Variants in NOL4 observed in about 807,000 individuals in gnomAD.
NOL4 encodes nucleolar protein 4.
NOL4 carries 17 observed loss-of-function variants against 75.9 expected under a neutral mutation model. The ratio of observed to expected loss-of-function variants is 0.22; its 90% CI spans 0.15 to 0.34. The LOEUF is 0.34. NOL4 is among the 10% of genes least tolerant of loss of function. The pLI is 1.00. For missense variants in NOL4, 614 were observed against 793.5 expected (o/e 0.77, Z 2.72); for synonymous variants, 292 against 289.9 (o/e 1.01, Z -0.07).
intron 9 of NOL4, among the ~76,000 whole-genome samples, chr18:33,905,677 TGTATATAGG>T (rs969161816): frequency 2.1e-4 from 32 of 152,308 alleles, no homozygotes; most frequent in African/African-American, 7.7e-4. Context: ...TAGTTGTTGC[TGTATATAGG>T]GTATATAGAG....
chr18:33,856,556 C>T (rs1188931508), intron 10 of NOL4, among the ~76,000 whole-genome samples: 3 of 152,012 alleles, frequency 2.0e-5, no homozygotes, highest in Non-Finnish European at 2.9e-5. Context: ...CCTTCTCCTA[C>T]ATTCTCTTCT....
At chr18:34,135,634 C>T (rs994394135) in intron 1 of NOL4, among the ~76,000 whole-genome samples, 5 of 129,372 alleles carry the variant, frequency 3.9e-5, no homozygotes, top group Non-Finnish European at 7.7e-5. Context: ...GAGGCCAGAG[C>T]TTGCAGTGAG....
chr18:33,936,533 C>T (rs560216466), intron 9 of NOL4, among the ~76,000 whole-genome samples: 1 of 150,302 alleles, frequency 6.7e-6, no homozygotes, highest in East Asian at 2.0e-4. Flanking sequence ...CCACTGTGTT[C>T]TTTTCAATAG....
chr18:33,919,361 T>C (rs1454049012), intron 9 of NOL4, among the ~76,000 whole-genome samples: 1 of 152,098 alleles, frequency 6.6e-6, no homozygotes, highest in East Asian at 1.9e-4. Context: ...GGGAAGGAAT[T>C]TGAACCCAGG....
chr18:34,095,333 A>T (rs1483269452), intron 4 of NOL4, among the ~76,000 whole-genome samples: 3 of 151,592 alleles, frequency 2.0e-5, no homozygotes, highest in Non-Finnish European at 2.9e-5. Context: ...CAGTGATAAC[A>T]ATGTGGACTT....
intron 9 of NOL4, among the ~76,000 whole-genome samples, chr18:33,938,897 T>C (rs1288619088): frequency 6.6e-6 from 1 of 152,196 alleles, no homozygotes; most frequent in Non-Finnish European, 1.5e-5. Flanking sequence ...TTCTAGGGTT[T>C]TTATGGTTTT....
intron 9 of NOL4, among the ~76,000 whole-genome samples, chr18:33,888,005 A>G (rs1274521719): frequency 6.6e-6 from 1 of 152,210 alleles, no homozygotes. Context: ...ACTGTCTTCC[A>G]CAATGGTTGA....
Position 34,065,825 on chromosome 18 carries a change from T to C in NOL4, c.772+27640A>G, listed in dbSNP as rs1386663636. On this transcript the variant is annotated intron_variant, in intron 5 of 10. Transcript: ENST00000261592. ...TGATAAGAGATTAAATGCTAAGTAATTGATTTCTAAGAATTTTCAAAACAC... is the reference window on the plus strand; with the variant it reads ...TGATAAGAGATTAAATGCTAAGTAACTGATTTCTAAGAATTTTCAAAACAC... 1.3e-5 allele frequency among the ~76,000 whole-genome samples: 2 copies of C among 151,980 alleles called. 1 individual carries two copies. Among genetic ancestry groups the C allele is most frequent in the Non-Finnish European group, 2.9e-5 (2 of 67,854 alleles).
At chr18:34,191,834 A>G (rs2034940626) in intron 1 of NOL4, among the ~76,000 whole-genome samples, 1 of 152,142 alleles carries the variant, frequency 6.6e-6, no homozygotes, top group Non-Finnish European at 1.5e-5. Context: ...AGAGGAATAC[A>G]GGTTGGTGAT....
chr18:34,160,891 G>A (rs2031363334), intron 1 of NOL4, among the ~76,000 whole-genome samples: 1 of 152,040 alleles, frequency 6.6e-6, no homozygotes, highest in African/African-American at 2.4e-5. Context: ...TAGTCACCCT[G>A]CAGTACGATA....
chr18:33,958,329 A>C lies in NOL4; in HGVS notation c.1146T>G (p.Asp382Glu). The change falls in exon 7 of 11, where the codon GAT becomes GAG. Residue 382 changes from aspartate (D) to glutamate (E), a missense_variant. Around this residue, in one of 9 missense-constraint regions of NOL4, gnomAD observed 196 missense variants for 167.9 expected, o/e 1.17. Transcript: ENST00000261592. ...GAEDLSLNRG[D>E]EDEDDHEDHD... Reference sequence around the variant, plus strand: ...GGTCCTCGTGGTCATCTTCGTCCTCATCTCCCCTGTTTAGTGAGAGGTCCT... The same window carrying C: ...GGTCCTCGTGGTCATCTTCGTCCTCCTCTCCCCTGTTTAGTGAGAGGTCCT... 2 of 1,613,732 alleles carry C rather than the reference A, an allele frequency of 1.2e-6. No individual in the cohort carries two copies. The highest frequency in any genetic ancestry group is 1.7e-6 in the Non-Finnish European group (2 of 1,179,782).
At chr18:33,871,357 G>A (rs994394860) in intron 10 of NOL4, among the ~76,000 whole-genome samples, 1 of 151,976 alleles carries the variant, frequency 6.6e-6, no homozygotes, top group African/African-American at 2.4e-5. Context: ...CCCGAGCCCA[G>A]GAAAGGGTAA....
intron 5 of NOL4, among the ~76,000 whole-genome samples, chr18:34,033,863 A>T (rs529297605): frequency 2.0e-4 from 31 of 152,286 alleles, no homozygotes; most frequent in African/African-American, 7.2e-4. Flanking sequence ...CAGAAATCTT[A>T]TGGGCCAGTA....
chr18:33,923,778 A>G (rs2067172319), intron 9 of NOL4, among the ~76,000 whole-genome samples: 1 of 152,194 alleles, frequency 6.6e-6, no homozygotes, highest in African/African-American at 2.4e-5. Context: ...AACAAAAATT[A>G]TTTACTAAGT....
At chr18:34,112,634 A>G (rs1425728872) in intron 2 of NOL4, among the ~76,000 whole-genome samples, 7 of 152,156 alleles carry the variant, frequency 4.6e-5, no homozygotes, top group African/African-American at 1.7e-4. Flanking sequence ...CTCACCTGTA[A>G]GTGGAAATTG....
intron 5 of NOL4, among the ~76,000 whole-genome samples, chr18:34,028,996 T>A (rs2075494699): frequency 6.6e-6 from 1 of 152,158 alleles, no homozygotes; most frequent in African/African-American, 2.4e-5. Flanking sequence ...CCTTTTTCCA[T>A]CCTTCTATTG....
chr18:34,093,434 T>G (rs1160338064), intron 5 of NOL4, 31 bp downstream of exon 5: 6 of 1,530,950 alleles, frequency 3.9e-6, no homozygotes, highest in Non-Finnish European at 5.3e-6. Flanking sequence ...TTGCTGTTGT[T>G]TTGCTTATTT....
rs960173569 is a variant in NOL4, at chr18:33,871,530, T to C, written c.1723+11714A>G. ...TTTGTTCAGATAGCTCCCCAGAGGA[T>C]GTGTCAAAGTTCAAAGGAGGCTGTT... On this transcript the variant is annotated intron_variant, in intron 10 of 10. Coordinates refer to ENST00000261592, the MANE Select transcript of NOL4 (RefSeq NM_003787.5). Among the ~76,000 whole-genome samples the C allele has an allele frequency of 5.3e-5, 8 of 151,978 alleles. No individual in the cohort carries two copies. In the East Asian group the frequency reaches 1.5e-3, roughly 29 times the overall value.
At chr18:34,146,831 T>C (rs1337737762) in intron 1 of NOL4, among the ~76,000 whole-genome samples, 3 of 151,998 alleles carry the variant, frequency 2.0e-5, no homozygotes, top group African/African-American at 4.8e-5. Flanking sequence ...TTTCATGACA[T>C]TGATTCTTCC....
Sources: allele counts gnomAD v4.1 joint callset (sites outside exome capture counted in the v4.1 genomes callset), GRCh38; gene constraint gnomAD v4.1.1; regional missense constraint gnomAD v4.1.1; transcripts MANE v1.5; gene names NCBI Gene and HGNC (gene_info 2026-07-23, HGNC 2026-07-21).